Variants in SVEP1 observed in about 807,000 individuals in gnomAD.
SVEP1 encodes sushi, von Willebrand factor type A, EGF and pentraxin domain containing 1, also known as sushi, von Willebrand factor type A, EGF and pentraxin domain-containing protein 1.
A neutral mutation model predicts 367.3 loss-of-function variants in SVEP1; 164 were observed. That is an observed-to-expected ratio of 0.45 (90% confidence interval 0.39 to 0.51). The LOEUF (loss-of-function observed/expected upper bound fraction) is 0.51, where lower values mean the gene tolerates loss of function less well. Ranked by LOEUF, SVEP1 falls within the 20% of genes least tolerant of loss-of-function variation. SVEP1 has a pLI of 0.00. For synonymous variants in SVEP1, 1,666 were observed against 1,611.6 expected (o/e 1.03, Z -0.81); for missense variants, 4,117 against 4,425.3 (o/e 0.93, Z 1.98).
chr9:110,504,593 A>G (rs1829594257), intron 5 of SVEP1, among the ~76,000 whole-genome samples: 1 of 152,152 alleles, frequency 6.6e-6, no homozygotes, highest in Non-Finnish European at 1.5e-5. Flanking sequence ...TGGATTACCT[A>G]CTTCTGTCCT....
At chr9:110,410,986 A>G (rs1828035255) in intron 37 of SVEP1, 77 bp downstream of exon 37, 1 of 1,354,690 alleles carries the variant, frequency 7.4e-7, no homozygotes, top group Non-Finnish European at 9.9e-7. Context: ...GTTTGGACTC[A>G]ATTATTTGTT....
chr9:110,543,963 T>A (rs1394415166), intron 3 of SVEP1, among the ~76,000 whole-genome samples: 1 of 152,004 alleles, frequency 6.6e-6, no homozygotes, highest in African/African-American at 2.4e-5. Context: ...GAAATCCTGC[T>A]GGGTGGGGTG....
chr9:110,414,220 CTT>C (rs1431450835), intron 36 of SVEP1, among the ~76,000 whole-genome samples: 1 of 152,004 alleles, frequency 6.6e-6, no homozygotes, highest in African/African-American at 2.4e-5. Flanking sequence ...CCTGAGATCT[CTT>C]TTAGTTTTAT....
At chr9:110,412,188 T>C (rs1390287813) in intron 36 of SVEP1, among the ~76,000 whole-genome samples, 1 of 152,246 alleles carries the variant, frequency 6.6e-6, no homozygotes, top group Non-Finnish European at 1.5e-5. Flanking sequence ...TGGAATTCTA[T>C]CTGCCTTTAG....
In SVEP1 at chr9:110,503,227, A is replaced by G. The variant is rs1443472020; in HGVS notation, c.1304-10T>C. The G allele has an allele frequency of 2.5e-6, 4 of 1,602,666 alleles. No homozygotes were observed. The highest frequency in any genetic ancestry group is 3.4e-6 in the Non-Finnish European group (4 of 1,176,016). Reference sequence around the variant, plus strand: ...TGAGGACATGTTCTTACTATGTAAAATGAAAGCAATTAGATCACATTTTGC... The same window carrying G: ...TGAGGACATGTTCTTACTATGTAAAGTGAAAGCAATTAGATCACATTTTGC... On this transcript the variant is annotated splice_polypyrimidine_tract_variant and intron_variant, in intron 5 of 47. Coordinates refer to ENST00000374469, the MANE Select transcript of SVEP1 (RefSeq NM_153366.4).
chr9:110,369,056 A>G (rs1827239821), intron 47 of SVEP1, among the ~76,000 whole-genome samples: 1 of 152,182 alleles, frequency 6.6e-6, no homozygotes, highest in Non-Finnish European at 1.5e-5. Flanking sequence ...TGAGTCCTAT[A>G]TGGTAGGGGT....
chr9:110,380,135 T>C (rs1050421798), intron 43 of SVEP1, among the ~76,000 whole-genome samples: 1 of 152,204 alleles, frequency 6.6e-6, no homozygotes, highest in Non-Finnish European at 1.5e-5. Flanking sequence ...GGATCTGTGA[T>C]AGATTGGATG....
intron 3 of SVEP1, among the ~76,000 whole-genome samples, chr9:110,542,973 A>AAAAT (rs1244008251): frequency 6.8e-5 from 10 of 147,268 alleles, no homozygotes; most frequent in Admixed American, 2.0e-4. Flanking sequence ...ATTAAAAAAA[A>AAAAT]ATATATATAT....
intron 41 of SVEP1, among the ~76,000 whole-genome samples, chr9:110,387,913 ATATTGCATATT>A (rs1444500434): frequency 6.6e-6 from 1 of 152,192 alleles, no homozygotes; most frequent in African/African-American, 2.4e-5. Context: ...CGTGTCTCCG[ATATTGCATATT>A]TATAAGTTTA....
At chr9:110,483,524 C>G (rs932441465) in intron 10 of SVEP1, 62 bp downstream of exon 10, 1 of 1,231,190 alleles carries the variant, frequency 8.1e-7, no homozygotes, top group Non-Finnish European at 1.1e-6. Flanking sequence ...CATTAAAAAG[C>G]TTTTTAAAAT....
chr9:110,505,886 G>A (rs957741876), intron 5 of SVEP1, among the ~76,000 whole-genome samples: 2 of 151,298 alleles, frequency 1.3e-5, no homozygotes, highest in African/African-American at 2.4e-5. Context: ...TGTTACATAG[G>A]TATACACATG....
chr9:110,552,709 G>A (rs1300085916), intron 1 of SVEP1, among the ~76,000 whole-genome samples: 1 of 152,102 alleles, frequency 6.6e-6, no homozygotes, highest in African/African-American at 2.4e-5. Flanking sequence ...GAGCTCAGGT[G>A]GTAATGCTCA....
At chr9:110,392,505 T>C (rs1293191989) in intron 40 of SVEP1, among the ~76,000 whole-genome samples, 2 of 152,150 alleles carry the variant, frequency 1.3e-5, no homozygotes, top group African/African-American at 4.8e-5. Context: ...GTTGTCTCCA[T>C]TTTTTGTGAC....
At chr9:110,410,995 TTTTG>T (rs954807629) in intron 37 of SVEP1, 64 bp downstream of exon 37, 2 of 1,410,050 alleles carry the variant, frequency 1.4e-6, no homozygotes, top group Non-Finnish European at 9.4e-7. Context: ...CAATTATTTG[TTTTG>T]TTTATTTATT....
At position 110,366,564 on chromosome 9, in the gene SVEP1, GAAA is replaced by G. The variant is rs56790407; in HGVS notation, c.10695-7_10695-5del. ...TTAAAACCCAGTCCTCCTTTTCCTG[GAAA>G]AAAAAAAAAAAGCAACCAAATAGAT... is the stretch of plus-strand genomic sequence containing the variant. On this transcript the variant is annotated splice_region_variant and splice_polypyrimidine_tract_variant and intron_variant, in intron 47 of 47. Coordinates refer to ENST00000374469, the MANE Select transcript of SVEP1 (RefSeq NM_153366.4). 8.9e-5 allele frequency: 125 copies of G among 1,412,196 alleles called. No homozygotes were observed. Among genetic ancestry groups the G allele is most frequent in the Middle Eastern group, 5.7e-4 (3 of 5,272 alleles). 87.5% of individuals were successfully genotyped at this position (1,412,196 alleles called of 1,614,324 possible).
chr9:110,496,708 C>G (rs1829452053), intron 8 of SVEP1, 107 bp downstream of exon 8: 1 of 750,462 alleles, frequency 1.3e-6, no homozygotes, highest in Non-Finnish European at 2.2e-6. Flanking sequence ...TCTAGAGAAC[C>G]CTAATACAAG....
intron 9 of SVEP1, among the ~76,000 whole-genome samples, chr9:110,485,760 ACTTG>A (rs1295343732): frequency 6.6e-6 from 1 of 152,162 alleles, no homozygotes. Context: ...AACTTAAGAA[ACTTG>A]CTTGAGGTCA....
intron 43 of SVEP1, among the ~76,000 whole-genome samples, chr9:110,381,590 T>G (rs1459995048): frequency 6.6e-6 from 1 of 152,224 alleles, no homozygotes; most frequent in Non-Finnish European, 1.5e-5. Context: ...TTGCATTTGC[T>G]GAGGAGTGTT....
chr9:110,499,071 T>C lies in SVEP1; in HGVS notation c.1651A>G (p.Asn551Asp). Residue 551 changes from asparagine (N) to aspartate (D), a missense_variant, in exon 7 of 48, where the codon AAT becomes GAT. Asn to Asp is a conservative substitution (Grantham distance 23). This residue lies in a region of SVEP1 where 2,174 missense variants were observed against 2,494.3 expected (regional missense o/e 0.87). Coordinates refer to ENST00000374469, the MANE Select transcript of SVEP1 (RefSeq NM_153366.4). ...MLRCTTSGKWNVGVQAAVCKD... is the reference protein window; with the variant it reads ...MLRCTTSGKWDVGVQAAVCKD... ...CACACAGCTGCCTGAACTCCGACAT[T>C]CCATTTTCCAGAAGTGGTACATCTC... is the stretch of plus-strand genomic sequence containing the variant. 2 of 1,613,670 alleles carry C rather than the reference T, an allele frequency of 1.2e-6. No homozygotes were observed. The highest frequency in any genetic ancestry group is 1.7e-4 in the Middle Eastern group (1 of 6,058).
Sources: allele counts gnomAD v4.1 joint callset (sites outside exome capture counted in the v4.1 genomes callset), GRCh38; gene constraint gnomAD v4.1.1; regional missense constraint gnomAD v4.1.1; transcripts MANE v1.5; gene names NCBI Gene and HGNC (gene_info 2026-07-23, HGNC 2026-07-21).